ITGA11: variants seen among roughly 807,000 people sequenced by gnomAD.
ITGA11 encodes the protein integrin alpha-11.
A neutral mutation model predicts 141.9 loss-of-function variants in ITGA11; 97 were observed. That is an observed-to-expected ratio of 0.68 (90% CI 0.58 to 0.81). ITGA11 has a LOEUF of 0.81. Among genes scored for constraint, ITGA11 ranks in the 30% least tolerant of loss-of-function variants. The pLI is 0.00. For synonymous variants in ITGA11, 658 were observed against 624.6 expected (o/e 1.05, Z -0.80); for missense variants, 1,387 against 1,559.2 (o/e 0.89, Z 1.86).
intron 2 of ITGA11, among the ~76,000 whole-genome samples, chr15:68,392,241 G>A (rs991121861): frequency 1.3e-5 from 2 of 152,116 alleles, no homozygotes; most frequent in African/African-American, 4.8e-5. Flanking sequence ...ATATGAAAGA[G>A]GGCTTTCAAT....
At chr15:68,385,158 G>C (rs1895953161) in intron 2 of ITGA11, among the ~76,000 whole-genome samples, 1 of 152,290 alleles carries the variant, frequency 6.6e-6, no homozygotes, top group African/African-American at 2.4e-5. Flanking sequence ...CCAGAAAGTG[G>C]ATGTGATGTG....
At position 68,335,947 on chromosome 15, in the gene ITGA11, G is replaced by A; in HGVS notation, c.1277-102C>T. On this transcript the variant is annotated intron_variant, in intron 11 of 29. Coordinates refer to ENST00000315757, the MANE Select transcript of ITGA11 (RefSeq NM_001004439.2). This position sits in a 1 kb window ranked among gnomAD's most constrained non-coding sequence, Gnocchi z 4.9. ...CAGTGCCAGAGGATGGGCCAGTGAT[G>A]GGGTAGGTTCAGGGCTAGCTGAGCA... 3 of 1,370,280 alleles carry A rather than the reference G, an allele frequency of 2.2e-6. No individual in the cohort carries two copies. Among genetic ancestry groups the A allele is most frequent in the East Asian group, 5.0e-5 (2 of 40,230 alleles). 84.9% of individuals were successfully genotyped at this position (1,370,280 alleles called of 1,614,324 possible).
At chr15:68,343,953 G>T (rs1000852442) in intron 10 of ITGA11, among the ~76,000 whole-genome samples, 1 of 152,142 alleles carries the variant, frequency 6.6e-6, no homozygotes, top group African/African-American at 2.4e-5. Context: ...GCTGGAATCC[G>T]GCAGCTGGGG....
rs144262372 is a variant in ITGA11, at chr15:68,350,530, G to A, written c.1060+87C>T. ...CGGAAGACTCTTGTTAAGCCATTTC[G>A]TTTTGTGGGATTGGTTTGTGCTCTA... On this transcript the variant is annotated intron_variant, in intron 9 of 29. Transcript: ENST00000315757. The A allele has an allele frequency of 5.9e-4, 776 of 1,323,858 alleles. 2 individuals carry two copies. The highest frequency in any genetic ancestry group is 5.1e-3 in the African/African-American group (342 of 67,402). 82.0% of individuals were successfully genotyped at this position (1,323,858 alleles called of 1,614,324 possible).
chr15:68,390,558 C>G (rs1896093668), intron 2 of ITGA11, among the ~76,000 whole-genome samples: 1 of 152,144 alleles, frequency 6.6e-6, no homozygotes, highest in Admixed American at 6.5e-5. Context: ...CTGGCCTCCC[C>G]CACAGCCCCA....
intron 2 of ITGA11, among the ~76,000 whole-genome samples, chr15:68,387,865 C>T (rs757453919): frequency 6.6e-6 from 1 of 152,158 alleles, no homozygotes; most frequent in African/African-American, 2.4e-5. Flanking sequence ...TGACCCTTCT[C>T]TCTCCGCCTT....
At chr15:68,391,230 G>C (rs2140391278) in intron 2 of ITGA11, among the ~76,000 whole-genome samples, 1 of 152,300 alleles carries the variant, frequency 6.6e-6, no homozygotes, top group East Asian at 1.9e-4. Context: ...CACCCTCTCT[G>C]TTTCTCTCAG....
rs186388837 is a variant in ITGA11, at chr15:68,313,831, C to T, written c.2830G>A (p.Val944Met). 2.4e-3 allele frequency: 3,863 copies of T among 1,613,996 alleles called. 14 individuals are homozygous for T. The highest frequency in any genetic ancestry group is 2.4e-3 in the Non-Finnish European group (2,867 of 1,179,872). The change falls in exon 23 of 30, where the codon GTG becomes ATG. Residue 944 changes from valine to methionine, a missense_variant. Coordinates refer to ENST00000315757, the MANE Select transcript of ITGA11 (RefSeq NM_001004439.2). ...TTGAGGTGGAAGCGTAAGGGGGCCACGTTGTCTTCCTTGGTGCTGTCCCGC... is the reference window on the plus strand; with the variant it reads ...TTGAGGTGGAAGCGTAAGGGGGCCATGTTGTCTTCCTTGGTGCTGTCCCGC... ...NERDSTKEDN[V>M]APLRFHLKYE...
At chr15:68,395,821 T>C (rs903892085) in intron 2 of ITGA11, among the ~76,000 whole-genome samples, 5 of 145,406 alleles carry the variant, frequency 3.4e-5, no homozygotes, top group Non-Finnish European at 3.0e-5. Context: ...TGTATACCTA[T>C]ATATCAAAAC....
chr15:68,334,882 A>C (rs1340742081), intron 12 of ITGA11, among the ~76,000 whole-genome samples: 11 of 152,060 alleles, frequency 7.2e-5, no homozygotes, highest in South Asian at 4.1e-4. Context: ...GGCAGGGTGG[A>C]GGGTGAGAGC....
intron 1 of ITGA11, among the ~76,000 whole-genome samples, chr15:68,423,015 A>G (rs1451633361): frequency 2.0e-5 from 3 of 152,184 alleles, no homozygotes; most frequent in Admixed American, 1.3e-4. Context: ...CTATTGTGCT[A>G]TTACCTCCTG....
intron 9 of ITGA11, 74 bp from the exon 10 acceptor site, chr15:68,348,974 C>T (rs1452173141): frequency 7.6e-7 from 1 of 1,316,690 alleles, no homozygotes; most frequent in Non-Finnish European, 1.1e-6. Flanking sequence ...CTGCCCAACC[C>T]ACAGCTCCTG....
At chr15:68,352,295 C>T (rs557062315) in intron 7 of ITGA11, among the ~76,000 whole-genome samples, 16 of 151,616 alleles carry the variant, frequency 1.1e-4, no homozygotes, top group Admixed American at 4.6e-4. Flanking sequence ...CGGGTTCAAG[C>T]GATTCTCGTG....
intron 1 of ITGA11, among the ~76,000 whole-genome samples, chr15:68,412,387 C>A (rs556973734): frequency 2.9e-4 from 44 of 152,288 alleles, no homozygotes; most frequent in African/African-American, 1.0e-3. Flanking sequence ...TCATGGCCTC[C>A]TCCTGCCTCA....
At chr15:68,388,711 G>C (rs1474098052) in intron 2 of ITGA11, among the ~76,000 whole-genome samples, 1 of 151,984 alleles carries the variant, frequency 6.6e-6, no homozygotes, top group African/African-American at 2.4e-5. Flanking sequence ...CATCCTCTTT[G>C]CTCACCTAGA....
chr15:68,421,906 G>A (rs4318156), intron 1 of ITGA11, among the ~76,000 whole-genome samples: 5,301 of 152,254 alleles, frequency 0.035, 218 homozygotes, highest in African/African-American at 0.089. Context: ...GGGGCTGCTG[G>A]CAAGCCTGCT....
intron 16 of ITGA11, among the ~76,000 whole-genome samples, chr15:68,327,671 C>A (rs950208788): frequency 6.6e-6 from 1 of 152,110 alleles, no homozygotes; most frequent in Non-Finnish European, 1.5e-5. Flanking sequence ...TGGACTCACA[C>A]CCACTTCTGA....
rs1189999056 is a variant in ITGA11 at position 68,301,189 on chromosome 15, A to C, written c.*1870T>G. 6.6e-6 allele frequency: 1 copy of C among 152,204 alleles called. No individual in the cohort carries two copies. The highest frequency in any genetic ancestry group is 1.5e-5 in the Non-Finnish European group (1 of 68,038). The allele number at this position is 152,204 out of a possible 1,614,324, so 9.4% of individuals were successfully genotyped here. ...CTTGGGAAATAGCAGTCCTGGGTTT[A>C]GTTTTGGTTTTGCTGTGGGAGCCTA... On this transcript the variant is annotated 3_prime_UTR_variant, in exon 30 of 30. Coordinates refer to ENST00000315757, the MANE Select transcript of ITGA11 (RefSeq NM_001004439.2). This position sits in a 1 kb window ranked among gnomAD's most constrained non-coding sequence, Gnocchi z 4.4.
At chr15:68,366,242 GC>G (rs1895417630) in intron 3 of ITGA11, among the ~76,000 whole-genome samples, 1 of 152,120 alleles carries the variant, frequency 6.6e-6, no homozygotes, top group Non-Finnish European at 1.5e-5. Context: ...GCGCACACCT[GC>G]CCTTTCAGGA....
Sources: allele counts gnomAD v4.1 joint callset (sites outside exome capture counted in the v4.1 genomes callset), GRCh38; gene constraint gnomAD v4.1.1; non-coding constraint Gnocchi (gnomAD v3.1); transcripts MANE v1.5; gene names NCBI Gene and HGNC (gene_info 2026-07-23, HGNC 2026-07-21).